NRG1: variants seen among roughly 807,000 people sequenced by gnomAD.
NRG1 encodes the protein neuregulin 1.
Under a neutral mutation model 63.8 loss-of-function variants are expected in NRG1, and 18 were observed. The observed-to-expected ratio is 0.28, with a 90% CI of 0.19 to 0.42. The LOEUF is 0.42. Ranked by LOEUF, NRG1 falls within the 10% of genes least tolerant of loss-of-function variation. The pLI is 1.00. For synonymous variants in NRG1, 302 were observed against 301.3 expected, an observed-to-expected ratio of 1.00 and a Z score of -0.02; for missense variants, 762 against 814.7, an observed-to-expected ratio of 0.94 and a Z score of 0.79.
At chr8:32,605,515 G>T in intron 2 of NRG1, 47 bp from the exon 3 acceptor site, 1 of 1,604,852 alleles carries the variant, frequency 6.2e-7, no homozygotes, top group South Asian at 1.1e-5. Context: ...TATATTTGTT[G>T]GATTTCTGTG....
chr8:32,487,836 C>T (rs888738991), intron 1 of NRG1, among the ~76,000 whole-genome samples: 5 of 152,240 alleles, frequency 3.3e-5, no homozygotes, highest in East Asian at 1.9e-4. Context: ...CCCTTTCAAC[C>T]GGAGTCAGAA....
intron 1 of NRG1, among the ~76,000 whole-genome samples, chr8:32,418,504 C>T (rs977805029): frequency 2.0e-5 from 3 of 151,692 alleles, no homozygotes; most frequent in East Asian, 1.9e-4. Flanking sequence ...AAATTTAGCA[C>T]GTATTTTACA....
At chr8:32,491,981 G>T (rs2129494900) in intron 1 of NRG1, among the ~76,000 whole-genome samples, 1 of 152,152 alleles carries the variant, frequency 6.6e-6, no homozygotes, top group South Asian at 2.1e-4. Flanking sequence ...AGTCAAATAT[G>T]CTATATAACC....
intron 1 of NRG1, among the ~76,000 whole-genome samples, chr8:32,279,078 T>C (rs1852414441): frequency 6.6e-6 from 1 of 152,206 alleles, no homozygotes; most frequent in South Asian, 2.1e-4. Context: ...AATCAGATTC[T>C]CCCTATACGC....
At chr8:32,677,116 A>G (rs1807331972) in intron 5 of NRG1, among the ~76,000 whole-genome samples, 1 of 152,202 alleles carries the variant, frequency 6.6e-6, no homozygotes. Flanking sequence ...ACTGAAAAAT[A>G]TGTAAAATTA....
intron 5 of NRG1, among the ~76,000 whole-genome samples, chr8:32,687,627 A>C (rs1018574203): frequency 5.9e-5 from 9 of 152,292 alleles, no homozygotes; most frequent in African/African-American, 2.2e-4. Flanking sequence ...ATCTGAATTC[A>C]CATAGGAATG....
At chr8:32,461,896 C>T (rs1347551945) in intron 1 of NRG1, among the ~76,000 whole-genome samples, 1 of 152,162 alleles carries the variant, frequency 6.6e-6, no homozygotes, top group Non-Finnish European at 1.5e-5. Context: ...CAGTTTACCT[C>T]TCTAGGCTTC....
At chr8:32,258,633 G>T (rs1274051993) in intron 1 of NRG1, among the ~76,000 whole-genome samples, 3 of 152,124 alleles carry the variant, frequency 2.0e-5, no homozygotes, top group Non-Finnish European at 4.4e-5. Context: ...GAGAGAGAGT[G>T]TGTGAAGGAG....
chr8:32,088,792 A>G (rs544163358), intron 1 of NRG1, among the ~76,000 whole-genome samples: 27 of 152,268 alleles, frequency 1.8e-4, no homozygotes, highest in African/African-American at 6.0e-4. Flanking sequence ...TGCTGGGATT[A>G]CAGGCGTGAG....
At position 31,844,569 on chromosome 8, in the gene NRG1, T is replaced by C. The variant is rs538075806; in HGVS notation, c.37+205138T>C. On this transcript the variant is annotated intron_variant, in intron 1 of 10. Coordinates refer to the NRG1 transcript ENST00000519301. Reference sequence around the variant, plus strand: ...AGAAATGAAATCCTCCGAAGGGAGCTTCATGAACTAAATTACCCAGAATGG... The same window carrying C: ...AGAAATGAAATCCTCCGAAGGGAGCCTCATGAACTAAATTACCCAGAATGG... Among the ~76,000 whole-genome samples the C allele has an allele frequency of 3.9e-5, 6 of 152,262 alleles. No homozygotes were observed. In the East Asian group the frequency reaches 1.2e-3, roughly 29 times the overall value.
At chr8:32,255,191 A>C (rs1350869913) in intron 1 of NRG1, among the ~76,000 whole-genome samples, 1 of 152,132 alleles carries the variant, frequency 6.6e-6, no homozygotes, top group Non-Finnish European at 1.5e-5. Flanking sequence ...GCCCATTTAC[A>C]TTTAAGGTTA....
At chr8:32,739,512 C>G (rs1185326849) in intron 6 of NRG1, among the ~76,000 whole-genome samples, 1 of 152,092 alleles carries the variant, frequency 6.6e-6, no homozygotes, top group Non-Finnish European at 1.5e-5. Flanking sequence ...GTTAGTGCAC[C>G]CAGTTTTCCG....
intron 1 of NRG1, among the ~76,000 whole-genome samples, chr8:31,739,526 C>T (rs930077128): frequency 2.0e-5 from 3 of 151,918 alleles, no homozygotes; most frequent in Non-Finnish European, 2.9e-5. Context: ...CAAGCTTTAC[C>T]GACTTCTCCA....
chr8:32,727,971 G>A (rs1260714638), exon 6 of NRG1: 1 of 1,614,014 alleles, frequency 6.2e-7, no homozygotes, highest in Admixed American at 1.7e-5. Flanking sequence ...CCACCACTGG[G>A]ACAAGCCATC....
intron 1 of NRG1, among the ~76,000 whole-genome samples, chr8:31,936,735 C>T (rs564277104): frequency 6.6e-6 from 1 of 152,280 alleles, no homozygotes; most frequent in Non-Finnish European, 1.5e-5. Context: ...TGGTGTTCAT[C>T]ACGTACAGAG....
intron 5 of NRG1, among the ~76,000 whole-genome samples, chr8:32,711,415 C>A (rs1032582051): frequency 6.6e-6 from 1 of 152,006 alleles, no homozygotes; most frequent in East Asian, 1.9e-4. Flanking sequence ...GCATTCATTT[C>A]TTCTCCAAAA....
In NRG1 at chr8:31,939,684, AC is replaced by A. The variant is rs1585919476; in HGVS notation, c.37+300254del. ...TTCTGTTTTTCAGGAGACTCATCTAACACATAAGGACTCACATCAACTTAAG... is the reference window on the plus strand; with the variant it reads ...TTCTGTTTTTCAGGAGACTCATCTAAACATAAGGACTCACATCAACTTAAG... On this transcript the variant is annotated intron_variant, in intron 1 of 10. Transcript: ENST00000519301. 2.0e-5 allele frequency among the ~76,000 whole-genome samples: 3 copies of A among 152,270 alleles called. No homozygotes were observed. The East Asian group carries it at 5.8e-4, about 29-fold the overall frequency.
intron 1 of NRG1, among the ~76,000 whole-genome samples, chr8:32,240,569 A>G (rs1236211959): frequency 6.6e-6 from 1 of 152,144 alleles, no homozygotes; most frequent in East Asian, 1.9e-4. Context: ...ATATGAGTGC[A>G]TATAAGACCA....
At chr8:32,758,570 C>A (rs548036152) in intron 9 of NRG1, among the ~76,000 whole-genome samples, 1 of 59,790 alleles carries the variant, frequency 1.7e-5, no homozygotes. Context: ...AGTGAGACTC[C>A]ATCTCAAAAA....
Sources: gnomAD v4.1 joint callset for allele counts (sites outside exome capture counted in the v4.1 genomes callset) on GRCh38, gnomAD v4.1.1 for gene constraint, MANE v1.5 for transcripts, NCBI Gene and HGNC (gene_info 2026-07-23, HGNC 2026-07-21) for gene names.